PDE4D: variants seen among roughly 807,000 people sequenced by gnomAD.
PDE4D encodes the protein 3',5'-cyclic-AMP phosphodiesterase 4D.
A neutral mutation model predicts 87.4 loss-of-function variants in PDE4D; 24 were observed. That is an observed-to-expected ratio of 0.27 (90% confidence interval 0.20 to 0.39). The LOEUF (loss-of-function observed/expected upper bound fraction) is 0.39, where lower values mean the gene tolerates loss of function less well. Among genes scored for constraint, PDE4D ranks in the 10% least tolerant of loss-of-function variants. The pLI is 1.00. For missense variants in PDE4D, 714 were observed against 1,041.0 expected, an observed-to-expected ratio of 0.69 and a Z score of 4.32; for synonymous variants, 384 against 383.2, an observed-to-expected ratio of 1.00 and a Z score of -0.02.
At position 59,985,134 on chromosome 5, in the gene PDE4D, TTTTGTTTTTTGTTTTTTA is replaced by T. The variant is rs1232827426; in HGVS notation, c.272+3336_272+3353del. Among the ~76,000 whole-genome samples the T allele has an allele frequency of 1.1e-4, 12 of 112,990 alleles. 2 individuals are homozygous for T. The East Asian group carries it at 5.4e-3, about 51-fold the overall frequency. The allele number at this position is 112,990 out of a possible 152,430, so 74.1% of individuals were successfully genotyped here. On this transcript the variant is annotated intron_variant, in intron 3 of 16. Coordinates refer to the PDE4D transcript ENST00000502484. ...CGAACTTCACCTTTCGTTTTTTGTT[TTTTGTTTTTTGTTTTTTA>T]TTTTGAGACAGAGTCTCACTCTGTC...
chr5:59,286,309 T>C (rs530742019), intron 1 of PDE4D, among the ~76,000 whole-genome samples: 6 of 152,172 alleles, frequency 3.9e-5, no homozygotes, highest in Non-Finnish European at 7.3e-5. Context: ...CTAGGTACTA[T>C]TATTTCTTCC....
At chr5:58,985,464 G>A (rs1056220067) in intron 11 of PDE4D, among the ~76,000 whole-genome samples, 17 of 152,096 alleles carry the variant, frequency 1.1e-4, no homozygotes, top group African/African-American at 3.9e-4. Context: ...TAAGAAAAAC[G>A]AAGAGCACAT....
intron 1 of PDE4D, among the ~76,000 whole-genome samples, chr5:60,422,626 A>C (rs2150091557): frequency 6.6e-6 from 1 of 152,360 alleles, no homozygotes; most frequent in Admixed American, 6.5e-5. Context: ...CCATGAAGAA[A>C]CTGCATCAAC....
intron 1 of PDE4D, among the ~76,000 whole-genome samples, chr5:59,295,541 G>A (rs1227378090): frequency 6.6e-6 from 1 of 152,090 alleles, no homozygotes; most frequent in Non-Finnish European, 1.5e-5. Flanking sequence ...CTGCTAGCCT[G>A]CCTAGTTCGT....
chr5:60,119,490 G>A (rs1778472145), intron 2 of PDE4D, among the ~76,000 whole-genome samples: 1 of 152,148 alleles, frequency 6.6e-6, no homozygotes, highest in South Asian at 2.1e-4. Flanking sequence ...TCACCTTGTT[G>A]GATTGCATGA....
intron 5 of PDE4D, chr5:59,179,634 C>T (rs575132433): frequency 6.3e-5 from 29 of 458,088 alleles, no homozygotes; most frequent in African/African-American, 1.0e-4. Flanking sequence ...CACAGACAGA[C>T]GTCTGGACAT....
intron 1 of PDE4D, among the ~76,000 whole-genome samples, chr5:59,737,375 G>A (rs1284191665): frequency 6.6e-6 from 1 of 152,010 alleles, no homozygotes; most frequent in African/African-American, 2.4e-5. Context: ...GGTAATTCAT[G>A]CGTATTGGAC....
At chr5:60,160,465 C>A (rs568416142) in intron 2 of PDE4D, among the ~76,000 whole-genome samples, 4 of 151,976 alleles carry the variant, frequency 2.6e-5, no homozygotes, top group Non-Finnish European at 5.9e-5. Context: ...ATTGCAGGAA[C>A]TTTTAACTAT....
At chr5:60,499,260 A>G (rs1425822199) in intron 1 of PDE4D, among the ~76,000 whole-genome samples, 1 of 152,330 alleles carries the variant, frequency 6.6e-6, no homozygotes, top group African/African-American at 2.4e-5. Flanking sequence ...TGCATGCATT[A>G]TGCCATTTAA....
chr5:59,872,248 C>T (rs894794853), intron 1 of PDE4D, among the ~76,000 whole-genome samples: 2 of 149,222 alleles, frequency 1.3e-5, no homozygotes, highest in African/African-American at 5.0e-5. Context: ...CTGATGGATT[C>T]ACAACAGAAG....
intron 3 of PDE4D, among the ~76,000 whole-genome samples, chr5:59,945,340 G>C (rs1261139329): frequency 6.6e-6 from 1 of 152,158 alleles, no homozygotes; most frequent in Non-Finnish European, 1.5e-5. Context: ...TGCTTTTCAT[G>C]AAAAACCAGT....
chr5:59,481,143 G>A lies in PDE4D; in HGVS notation c.456-265175C>T, dbSNP rs114792489. Reference sequence around the variant, plus strand: ...TTGCAAAGGCGCAGCTATTCTGACCGTTAGCTTATACCCCACATACAGCCT... The same window carrying A: ...TTGCAAAGGCGCAGCTATTCTGACCATTAGCTTATACCCCACATACAGCCT... On this transcript the variant is annotated intron_variant, in intron 1 of 14. Transcript: ENST00000340635. 4.7e-3 allele frequency among the ~76,000 whole-genome samples: 716 copies of A among 152,162 alleles called. 26 individuals are homozygous for A. In the East Asian group the frequency reaches 0.075, roughly 16 times the overall value.
At chr5:60,274,990 A>C (rs771767872) in intron 1 of PDE4D, among the ~76,000 whole-genome samples, 2 of 152,226 alleles carry the variant, frequency 1.3e-5, no homozygotes, top group Non-Finnish European at 2.9e-5. Flanking sequence ...ATGCACATTA[A>C]AGCTTGAGAC....
At chr5:59,680,002 A>G (rs1429311999) in intron 1 of PDE4D, among the ~76,000 whole-genome samples, 1 of 152,132 alleles carries the variant, frequency 6.6e-6, no homozygotes, top group Non-Finnish European at 1.5e-5. Context: ...ACTTAACTCC[A>G]AGTACGAAAT....
At position 60,451,226 on chromosome 5, in the gene PDE4D, T is replaced by G. The variant is rs74630367; in HGVS notation, c.-90+36716A>C. ...AGGAATATATTTCTGCTACTGTTTT[T>G]GATCACTTTTTAAACTGTTTTTATT... On this transcript the variant is annotated intron_variant, in intron 1 of 16. Coordinates refer to the PDE4D transcript ENST00000502484. Among the ~76,000 whole-genome samples the G allele has an allele frequency of 9.3e-4, 141 of 152,254 alleles. 1 individual carries two copies. The East Asian group carries it at 0.025, about 27-fold the overall frequency.
rs1403974473 is a variant in PDE4D, at chr5:59,397,828, C to T, written c.456-181860G>A. Among the ~76,000 whole-genome samples the T allele has an allele frequency of 3.4e-4, 39 of 113,122 alleles. 3 individuals carry two copies. Among genetic ancestry groups the T allele is most frequent in the Admixed American group, 1.9e-3 (22 of 11,758 alleles). The allele number at this position is 113,122 out of a possible 152,430, so 74.2% of individuals were successfully genotyped here. A position where few individuals can be genotyped will look rare whatever the true frequency, so the allele number is the denominator to read the frequency against. On this transcript the variant is annotated intron_variant, in intron 1 of 14. Transcript: ENST00000340635. ...GAAAGGATCAACAAAATTGATAGAC[C>T]GCTAGCAAGACTAATAAAGAAAAAA...
chr5:59,483,197 G>C (rs1240612720), intron 1 of PDE4D, among the ~76,000 whole-genome samples: 1 of 152,084 alleles, frequency 6.6e-6, no homozygotes, highest in Non-Finnish European at 1.5e-5. Context: ...AGCTCTCCTG[G>C]GTCTCCAGCT....
intron 1 of PDE4D, among the ~76,000 whole-genome samples, chr5:59,492,938 C>A (rs931611478): frequency 3.9e-5 from 6 of 152,134 alleles, no homozygotes; most frequent in African/African-American, 1.4e-4. Context: ...TTGCCTTTTG[C>A]CATGATTGTG....
At chr5:60,339,966 T>C (rs1765380758) in intron 1 of PDE4D, among the ~76,000 whole-genome samples, 1 of 152,236 alleles carries the variant, frequency 6.6e-6, no homozygotes, top group South Asian at 2.1e-4. Context: ...TTATTTCAGC[T>C]CACAGAAGAT....
Sources: allele counts gnomAD v4.1 joint callset (sites outside exome capture counted in the v4.1 genomes callset), GRCh38; gene constraint gnomAD v4.1.1; transcripts MANE v1.5; gene names NCBI Gene and HGNC (gene_info 2026-07-23, HGNC 2026-07-21).